TEX36: variants seen among roughly 807,000 people sequenced by gnomAD.
The protein encoded by TEX36 is testis expressed 36, also known as testis-expressed protein 36.
Under a neutral mutation model 13.6 loss-of-function variants are expected in TEX36, and 12 were observed. The ratio of observed to expected loss-of-function variants is 0.88; its 90% CI spans 0.56 to 1.43. The LOEUF (loss-of-function observed/expected upper bound fraction) is 1.43. Among genes scored for constraint, TEX36 ranks in the 40% most tolerant of loss-of-function variants. The probability of loss-of-function intolerance (pLI) is 0.00; values close to 1 mark genes in which losing one functional copy is unlikely to be tolerated. For synonymous variants in TEX36, 93 were observed against 83.0 expected (o/e 1.12, Z -0.65); for missense variants, 224 against 228.3 (o/e 0.98, Z 0.12).
At chr10:125,656,349 C>T (rs1016388901) in intron 3 of TEX36, among the ~76,000 whole-genome samples, 153 bp from the exon 4 acceptor site, 2 of 150,174 alleles carry the variant, frequency 1.3e-5, no homozygotes, top group Non-Finnish European at 1.5e-5. Context: ...CTCTGCCTCC[C>T]GGGTTCAAGC....
At chr10:125,595,922 A>G (rs1373897203) in intron 3 of TEX36, among the ~76,000 whole-genome samples, 1 of 152,240 alleles carries the variant, frequency 6.6e-6, no homozygotes, top group African/African-American at 2.4e-5. Flanking sequence ...AAGTCCTGGA[A>G]CTGTGCCTGA....
intron 3 of TEX36, among the ~76,000 whole-genome samples, chr10:125,591,811 A>G (rs1351012173): frequency 6.6e-6 from 1 of 152,146 alleles, no homozygotes; most frequent in Admixed American, 6.5e-5. Flanking sequence ...GCTCTCGTCA[A>G]CTTTTCTTTG....
intron 3 of TEX36, among the ~76,000 whole-genome samples, chr10:125,605,667 T>A (rs1299557385): frequency 6.6e-6 from 1 of 152,202 alleles, no homozygotes; most frequent in Non-Finnish European, 1.5e-5. Flanking sequence ...AGTGGTGCCA[T>A]CTCCGCTCAC....
chr10:125,669,927 T>C (rs927672103), intron 1 of TEX36, among the ~76,000 whole-genome samples: 15 of 152,248 alleles, frequency 9.9e-5, no homozygotes, highest in Non-Finnish European at 2.1e-4. Flanking sequence ...AAGGACATGA[T>C]CTCATTCCTT....
intron 3 of TEX36, among the ~76,000 whole-genome samples, chr10:125,595,337 G>C (rs954450940): frequency 1.3e-5 from 2 of 152,012 alleles, no homozygotes; most frequent in Non-Finnish European, 2.9e-5. Context: ...TCCCCAACTT[G>C]TCTGAAGCTA....
intron 3 of TEX36, among the ~76,000 whole-genome samples, chr10:125,607,456 T>A (rs551311554): frequency 1.3e-5 from 2 of 152,346 alleles, no homozygotes; most frequent in African/African-American, 4.8e-5. Flanking sequence ...CTATTGTTAG[T>A]GTAAACACGG....
At chr10:125,636,384 T>TTA (rs1555003102) in intron 3 of TEX36, among the ~76,000 whole-genome samples, 1 of 150,838 alleles carries the variant, frequency 6.6e-6, no homozygotes, top group Non-Finnish European at 1.5e-5. Context: ...TTTTTTTTTT[T>TTA]TATATATTTT....
chr10:125,636,298 C>T (rs1247873597), intron 3 of TEX36, among the ~76,000 whole-genome samples: 2 of 150,884 alleles, frequency 1.3e-5, no homozygotes, highest in Non-Finnish European at 3.0e-5. Context: ...CTCCGCCTCC[C>T]GGGTTCACGC....
At chr10:125,576,975 A>G in intron 3 of TEX36, 1 of 1,443,688 alleles carries the variant, frequency 6.9e-7, no homozygotes, top group Non-Finnish European at 9.3e-7. Flanking sequence ...CTCCCTGCCC[A>G]AGCTTTAAAA....
chr10:125,668,653 T>C (rs995754696), intron 1 of TEX36, among the ~76,000 whole-genome samples: 1 of 152,182 alleles, frequency 6.6e-6, no homozygotes, highest in Non-Finnish European at 1.5e-5. Flanking sequence ...TTTTTCTTTT[T>C]TAAAGAATCA....
Position 125,662,117 on chromosome 10 carries a change from T to G in TEX36, c.52-140A>C, listed in dbSNP as rs549646168. ...AATGGAAATGGCATAATTTTTGTAA[T>G]TTTCAAGTATTCTTTCCAAGACAAA... On this transcript the variant is annotated intron_variant, in intron 1 of 3. Transcript: ENST00000368821. 18 of 1,160,768 alleles carry G rather than the reference T, an allele frequency of 1.6e-5. No homozygotes were observed. In the African/African-American group the frequency reaches 2.6e-4, roughly 17 times the overall value. The allele number at this position is 1,160,768 out of a possible 1,614,324, so 71.9% of individuals were successfully genotyped here. A position where few individuals can be genotyped will look rare whatever the true frequency, so the allele number is the denominator to read the frequency against.
intron 3 of TEX36, among the ~76,000 whole-genome samples, chr10:125,657,472 C>T (rs560444313): frequency 6.6e-6 from 1 of 152,196 alleles, no homozygotes; most frequent in South Asian, 2.1e-4. Context: ...TAAAGAATGA[C>T]TTGAGGATAC....
At chr10:125,612,083 CTTT>C (rs1846296812) in intron 3 of TEX36, among the ~76,000 whole-genome samples, 1 of 146,572 alleles carries the variant, frequency 6.8e-6, no homozygotes, top group Non-Finnish European at 1.5e-5. Context: ...TTTTCTTTTT[CTTT>C]TTCTTTTTTT....
intron 3 of TEX36, among the ~76,000 whole-genome samples, chr10:125,650,467 A>G (rs1050559874): frequency 2.3e-4 from 35 of 152,240 alleles, no homozygotes; most frequent in Non-Finnish European, 4.9e-4. Context: ...AAGACACATC[A>G]TACCAGAATC....
Position 125,655,779 on chromosome 10 carries a change from T to C in TEX36, c.*121A>G. ...CAAGGATTTGAATGTTTTTTGACCTTATAAAAATCATAAAAGTACTTTAAA... is the reference window on the plus strand; with the variant it reads ...CAAGGATTTGAATGTTTTTTGACCTCATAAAAATCATAAAAGTACTTTAAA... On this transcript the variant is annotated 3_prime_UTR_variant, in exon 4 of 4. Transcript: ENST00000368821. 1 of 1,345,120 alleles carries C rather than the reference T, an allele frequency of 7.4e-7. No homozygotes were observed. The highest frequency in any genetic ancestry group is 9.5e-7 in the Non-Finnish European group (1 of 1,047,828). 83.3% of individuals were successfully genotyped at this position (1,345,120 alleles called of 1,614,324 possible). A position where few individuals can be genotyped will look rare whatever the true frequency, so the allele number is the denominator to read the frequency against.
chr10:125,596,978 T>A (rs575238891), intron 3 of TEX36, among the ~76,000 whole-genome samples: 1 of 152,294 alleles, frequency 6.6e-6, no homozygotes, highest in East Asian at 1.9e-4. Context: ...CAAAAAGCCA[T>A]TATGGGATGA....
intron 3 of TEX36, among the ~76,000 whole-genome samples, chr10:125,609,538 CCTT>C (rs1284230104): frequency 1.5e-4 from 23 of 151,416 alleles, no homozygotes; most frequent in South Asian, 6.2e-4. Context: ...GGATCCTTCT[CCTT>C]CTTTTCTTTT....
chr10:125,638,797 A>T (rs753255521), intron 3 of TEX36, among the ~76,000 whole-genome samples: 29 of 152,238 alleles, frequency 1.9e-4, no homozygotes, highest in Non-Finnish European at 3.7e-4. Context: ...TGTGCAGGTC[A>T]CTGCACTCCA....
At chr10:125,639,480 A>G (rs567303496) in intron 3 of TEX36, among the ~76,000 whole-genome samples, 1 of 152,142 alleles carries the variant, frequency 6.6e-6, no homozygotes, top group South Asian at 2.1e-4. Flanking sequence ...CTGTGATAAA[A>G]AAAAATTGTC....
Sources: allele counts gnomAD v4.1 joint callset (sites outside exome capture counted in the v4.1 genomes callset), GRCh38; gene constraint gnomAD v4.1.1; transcripts MANE v1.5; gene names NCBI Gene and HGNC (gene_info 2026-07-23, HGNC 2026-07-21).